Variants in ANKS1B observed in about 807,000 individuals in gnomAD.
ANKS1B encodes ankyrin repeat and sterile alpha motif domain containing 1B.
In ANKS1B, 36 loss-of-function variants were observed where a neutral mutation model predicts 148.3. That is an observed-to-expected ratio of 0.24 (90% CI 0.19 to 0.32). The LOEUF is 0.32. Among genes scored for constraint, ANKS1B ranks in the 10% least tolerant of loss-of-function variants. The pLI is 1.00. For synonymous variants in ANKS1B, 542 were observed against 560.8 expected, an observed-to-expected ratio of 0.97 and a Z score of 0.47; for missense variants, 1,157 against 1,542.6, an observed-to-expected ratio of 0.75 and a Z score of 4.19.
chr12:99,229,714 C>A (rs932834724), intron 14 of ANKS1B, among the ~76,000 whole-genome samples: 2 of 151,172 alleles, frequency 1.3e-5, no homozygotes, highest in African/African-American at 2.4e-5. Flanking sequence ...ATTTATCTTA[C>A]AAATTACTTC....
chr12:99,460,586 G>A (rs1433193988), intron 10 of ANKS1B, among the ~76,000 whole-genome samples: 1 of 151,894 alleles, frequency 6.6e-6, no homozygotes, highest in Non-Finnish European at 1.5e-5. Context: ...ATTGAGTTAA[G>A]GACATGAATA....
intron 9 of ANKS1B, among the ~76,000 whole-genome samples, chr12:99,645,238 A>C (rs2098349726): frequency 6.6e-6 from 1 of 152,230 alleles, no homozygotes; most frequent in Admixed American, 6.5e-5. Context: ...TACTGAACTA[A>C]TATCTTGCCA....
chr12:98,771,123 G>A (rs578000469), intron 25 of ANKS1B, among the ~76,000 whole-genome samples: 6 of 152,250 alleles, frequency 3.9e-5, no homozygotes, highest in Admixed American at 6.5e-5. Context: ...TTAATGACAA[G>A]TATGGCTATA....
At chr12:99,200,238 T>A (rs1028526172) in intron 14 of ANKS1B, among the ~76,000 whole-genome samples, 6 of 152,230 alleles carry the variant, frequency 3.9e-5, no homozygotes, top group Admixed American at 3.9e-4. Flanking sequence ...TGGAACTACA[T>A]CATAAGGTAA....
intron 9 of ANKS1B, among the ~76,000 whole-genome samples, chr12:99,579,880 C>A (rs919540757): frequency 6.6e-6 from 1 of 151,730 alleles, no homozygotes; most frequent in Admixed American, 6.6e-5. Context: ...AATCGTTCCA[C>A]CAAAAAAAAA....
chr12:98,742,915 C>CTAGT (rs949429591), downstream of ANKS1B, among the ~76,000 whole-genome samples: 3 of 152,208 alleles, frequency 2.0e-5, no homozygotes, highest in South Asian at 2.1e-4. Context: ...GCTGTGTTGG[C>CTAGT]TAGTTAGTTA....
chr12:99,601,398 C>G (rs1005567963), intron 9 of ANKS1B, among the ~76,000 whole-genome samples: 1 of 151,806 alleles, frequency 6.6e-6, no homozygotes, highest in Non-Finnish European at 1.5e-5. Context: ...TTTAACATTG[C>G]CTGGAAAAAA....
In ANKS1B at chr12:99,866,544, G is replaced by A. The variant is rs1685346120; in HGVS notation, c.135-41155C>T. On this transcript the variant is annotated intron_variant, in intron 1 of 26. Coordinates refer to ENST00000683438, the MANE Select transcript of ANKS1B (RefSeq NM_001352186.2). ...GATTTATTTGTACATTTGCTGTCTC[G>A]AGAACTTAAGTAATTTGAGTAGCTC... Among the ~76,000 whole-genome samples the A allele has an allele frequency of 2.6e-5, 4 of 152,184 alleles. No homozygotes were observed. The South Asian group carries it at 8.3e-4, about 32-fold the overall frequency.
chr12:99,376,109 A>G (rs2093381084), intron 12 of ANKS1B, among the ~76,000 whole-genome samples: 1 of 152,228 alleles, frequency 6.6e-6, no homozygotes, highest in Admixed American at 6.5e-5. Context: ...AAACTTCTGA[A>G]CTTTAGTGTT....
intron 9 of ANKS1B, among the ~76,000 whole-genome samples, chr12:99,529,016 T>C (rs1340545317): frequency 6.6e-6 from 1 of 152,216 alleles, no homozygotes; most frequent in Admixed American, 6.5e-5. Flanking sequence ...CCATTTCAAA[T>C]ACAAATGAGC....
chr12:99,479,509 T>C (rs1008631563), intron 10 of ANKS1B, among the ~76,000 whole-genome samples: 8 of 151,952 alleles, frequency 5.3e-5, no homozygotes, highest in African/African-American at 1.4e-4. Context: ...ATACAGAAAA[T>C]GTGGCATGTA....
chr12:99,721,194 C>T (rs1029573634), intron 8 of ANKS1B, among the ~76,000 whole-genome samples: 1 of 152,118 alleles, frequency 6.6e-6, no homozygotes, highest in Non-Finnish European at 1.5e-5. Context: ...GTTCCCACGC[C>T]GCCCCTAATC....
chr12:99,057,816 G>C (rs2040792228), intron 16 of ANKS1B, among the ~76,000 whole-genome samples: 1 of 152,194 alleles, frequency 6.6e-6, no homozygotes, highest in East Asian at 1.9e-4. Flanking sequence ...AGAATAGCAA[G>C]TGCTGAGAAG....
At chr12:99,478,962 A>C (rs2096368645) in intron 10 of ANKS1B, among the ~76,000 whole-genome samples, 1 of 152,060 alleles carries the variant, frequency 6.6e-6, no homozygotes. Context: ...TGTTTATTTG[A>C]CCCAATTTAC....
At chr12:99,518,667 CA>C (rs1013283959) in intron 9 of ANKS1B, among the ~76,000 whole-genome samples, 3 of 151,830 alleles carry the variant, frequency 2.0e-5, no homozygotes, top group African/African-American at 7.2e-5. Flanking sequence ...TTTATCTTTT[CA>C]AAAAAACAAC....
Position 98,745,375 on chromosome 12 carries a change from CTTTTTTTT to C in ANKS1B, c.*356_*363del, listed in dbSNP as rs71305587. Reference sequence around the variant, plus strand: ...TAGGCAGTATTAGAGATCCCCTTTACTTTTTTTTTTTTTTTTTTTTTTTTAAAGAAAAG... The same window carrying C: ...TAGGCAGTATTAGAGATCCCCTTTACTTTTTTTTTTTTTTTTAAAGAAAAG... On this transcript the variant is annotated 3_prime_UTR_variant, in exon 27 of 27. Coordinates refer to ENST00000683438, the MANE Select transcript of ANKS1B (RefSeq NM_001352186.2). 9.8e-6 allele frequency: 9 copies of C among 913,714 alleles called. No homozygotes were observed. The highest frequency in any genetic ancestry group is 4.8e-5 in the African/African-American group (2 of 41,876). The allele number at this position is 913,714 out of a possible 1,614,324, so 56.6% of individuals were successfully genotyped here.
intron 12 of ANKS1B, among the ~76,000 whole-genome samples, chr12:99,335,694 C>T (rs2088676790): frequency 6.6e-6 from 1 of 152,020 alleles, no homozygotes. Context: ...ATTTTTATGG[C>T]TGAATAGTAC....
intron 12 of ANKS1B, among the ~76,000 whole-genome samples, chr12:99,319,381 T>C (rs1211568040): frequency 6.6e-6 from 1 of 152,234 alleles, no homozygotes; most frequent in African/African-American, 2.4e-5. Flanking sequence ...ATATTTAGGA[T>C]AGTTAGCTCT....
At chr12:99,334,911 A>G (rs1165147155) in intron 12 of ANKS1B, among the ~76,000 whole-genome samples, 1 of 151,922 alleles carries the variant, frequency 6.6e-6, no homozygotes, top group African/African-American at 2.4e-5. Context: ...AGCTACCTCA[A>G]TTCTTTGCCA....
Sources: gnomAD v4.1 joint callset for allele counts (sites outside exome capture counted in the v4.1 genomes callset) on GRCh38, gnomAD v4.1.1 for gene constraint, MANE v1.5 for transcripts, NCBI Gene and HGNC (gene_info 2026-07-23, HGNC 2026-07-21) for gene names.